The following RIMBP2 variants were observed in gnomAD, a reference collection of about 807,000 sequenced individuals.
The protein encoded by RIMBP2 is RIMS binding protein 2.
A neutral mutation model predicts 118.6 loss-of-function variants in RIMBP2; 48 were observed. The ratio of observed to expected loss-of-function variants is 0.40; its 90% confidence interval spans 0.32 to 0.51. The LOEUF (loss-of-function observed/expected upper bound fraction) is 0.51. RIMBP2 is among the 20% of genes least tolerant of loss of function. The pLI, the probability that RIMBP2 is intolerant of heterozygous loss-of-function variation, is 0.41. For synonymous variants in RIMBP2, 762 were observed against 742.9 expected, an observed-to-expected ratio of 1.03 and a Z score of -0.42; for missense variants, 1,551 against 1,768.3, an observed-to-expected ratio of 0.88 and a Z score of 2.20.
intron 4 of RIMBP2, among the ~76,000 whole-genome samples, chr12:130,506,369 C>A (rs771734496): frequency 2.0e-5 from 3 of 152,188 alleles, no homozygotes; most frequent in Non-Finnish European, 4.4e-5. Context: ...CATTCAGGAG[C>A]GGTGTGCCTG....
At chr12:130,415,712 ATC>A (rs1431092858) in intron 17 of RIMBP2, among the ~76,000 whole-genome samples, 2 of 151,922 alleles carry the variant, frequency 1.3e-5, no homozygotes, top group African/African-American at 4.8e-5. Context: ...AAGTCAAATT[ATC>A]TCTCTTCACT....
Position 130,413,291 on chromosome 12 carries a change from T to C in RIMBP2, c.3421-504A>G, listed in dbSNP as rs151220149. Among the ~76,000 whole-genome samples, 543 of 152,180 alleles carry C rather than the reference T, an allele frequency of 3.6e-3. 2 individuals are homozygous for C. The highest frequency in any genetic ancestry group is 5.4e-3 in the Non-Finnish European group (367 of 67,998). On this transcript the variant is annotated intron_variant, in intron 18 of 22. Coordinates refer to ENST00000690449, the MANE Select transcript of RIMBP2 (RefSeq NM_001393629.1). ...GCCCTCTTTCTTTCCCCTCTCCTAC[T>C]GAACAGCACACTTTCTCTCATTTTC...
chr12:130,399,711 G>A lies in RIMBP2; in HGVS notation c.3868C>T (p.Gln1290Ter). The change falls in exon 22 of 23, where the codon CAA becomes TAA. Residue 1290 changes from glutamine (Q) to a stop codon, truncating the protein, a stop_gained. Coordinates refer to ENST00000690449, the MANE Select transcript of RIMBP2 (RefSeq NM_001393629.1). LOFTEE classifies it high-confidence loss of function. ...GCCTTTGAGCGCATTGGCGTATCTT[G>A]AGAGTAGTGGGATGGAGCATCAGAA... Reference protein sequence around the residue: ...YLSDAPSHYSQDTPMRSKAKR... With the variant: ...YLSDAPSHYS The A allele has an allele frequency of 6.2e-7, 1 of 1,614,238 alleles. No homozygotes were observed. Among genetic ancestry groups the A allele is most frequent in the Non-Finnish European group, 8.5e-7 (1 of 1,180,030 alleles).
At position 130,576,368 on chromosome 12, in the gene RIMBP2, C is replaced by T. The variant is rs1488815834; in HGVS notation, c.-217+51954G>A. Among the ~76,000 whole-genome samples, 1 of 152,152 alleles carries T rather than the reference C, an allele frequency of 6.6e-6. No homozygotes were observed. Among genetic ancestry groups the T allele is most frequent in the Non-Finnish European group, 1.5e-5 (1 of 68,022 alleles). ...GCTTTGAGAATCGCTGTGAGCTGTG[C>T]TTCTAGATCCTCAGCAGGTTGGCGC... On this transcript the variant is annotated intron_variant, in intron 2 of 22. Coordinates refer to ENST00000690449, the MANE Select transcript of RIMBP2 (RefSeq NM_001393629.1). This position sits in a 1 kb window ranked among gnomAD's most constrained non-coding sequence, Gnocchi z 4.2.
At chr12:130,507,435 C>T (rs1276455115) in intron 3 of RIMBP2, among the ~76,000 whole-genome samples, 3 of 152,180 alleles carry the variant, frequency 2.0e-5, no homozygotes, top group African/African-American at 4.8e-5. Flanking sequence ...CTATGAGAGC[C>T]CTAACAGATA....
chr12:130,702,886 C>T (rs995424971), intron 1 of RIMBP2, among the ~76,000 whole-genome samples: 1 of 152,132 alleles, frequency 6.6e-6, no homozygotes, highest in Non-Finnish European at 1.5e-5. Flanking sequence ...AATCATAGGG[C>T]TGTATGGAAA....
intron 1 of RIMBP2, among the ~76,000 whole-genome samples, chr12:130,652,446 G>GT (rs1374547166): frequency 1.3e-5 from 2 of 152,190 alleles, no homozygotes; most frequent in Non-Finnish European, 2.9e-5. Flanking sequence ...ATGGCTTGTA[G>GT]TTTTGTTTCC....
intron 13 of RIMBP2, among the ~76,000 whole-genome samples, 192 bp downstream of exon 13, chr12:130,436,650 T>TA (rs1293402818): frequency 6.6e-6 from 1 of 152,118 alleles, no homozygotes; most frequent in Non-Finnish European, 1.5e-5. Context: ...TATTAGCAAA[T>TA]AAAAAACACC....
intron 7 of RIMBP2, among the ~76,000 whole-genome samples, chr12:130,452,543 G>A (rs529542573): frequency 1.1e-4 from 16 of 152,352 alleles, no homozygotes; most frequent in South Asian, 2.1e-4. Context: ...AAACCCAGCC[G>A]ACAGCAGAGC....
At chr12:130,534,326 A>G (rs1056132606) in intron 2 of RIMBP2, among the ~76,000 whole-genome samples, 21 of 151,854 alleles carry the variant, frequency 1.4e-4, no homozygotes, top group African/African-American at 4.8e-4. Context: ...TATTCTAGTG[A>G]TGGTTGGCTG....
intron 2 of RIMBP2, among the ~76,000 whole-genome samples, chr12:130,538,252 G>A (rs776510386): frequency 4.6e-5 from 7 of 151,964 alleles, no homozygotes; most frequent in Non-Finnish European, 7.4e-5. Flanking sequence ...ATTTTAAAGT[G>A]CATTCTTCTT....
chr12:130,471,344 C>A (rs1566097259), intron 5 of RIMBP2, among the ~76,000 whole-genome samples: 1 of 152,250 alleles, frequency 6.6e-6, no homozygotes, highest in African/African-American at 2.4e-5. Context: ...GGAACACTAT[C>A]ATTTCTTGTC....
intron 14 of RIMBP2, among the ~76,000 whole-genome samples, chr12:130,432,634 AG>A (rs2077220844): frequency 1.3e-5 from 2 of 152,204 alleles, no homozygotes. Context: ...ACAAGATACT[AG>A]GGATGTACAG....
chr12:130,425,852 CTCTTGCTGTGGGCCCCTT>C (rs1367353704), intron 15 of RIMBP2: 2 of 152,412 alleles, frequency 1.3e-5, no homozygotes, highest in Non-Finnish European at 2.9e-5. Flanking sequence ...TCTGTCCCCC[CTCTTGCTGTGGGCCCCTT>C]GATCTTGGGG....
chr12:130,582,629 G>T (rs941411239), intron 2 of RIMBP2, among the ~76,000 whole-genome samples: 1 of 152,206 alleles, frequency 6.6e-6, no homozygotes, highest in Non-Finnish European at 1.5e-5. Flanking sequence ...GCCTTCGCTT[G>T]ATCTAGACCA....
At chr12:130,458,629 C>T (rs1304106826) in intron 6 of RIMBP2, among the ~76,000 whole-genome samples, 3 of 152,228 alleles carry the variant, frequency 2.0e-5, no homozygotes, top group Non-Finnish European at 4.4e-5. Context: ...GGGGCACTCG[C>T]GGAGCCTTCC....
intron 4 of RIMBP2, among the ~76,000 whole-genome samples, chr12:130,481,823 C>T (rs752120240): frequency 3.9e-5 from 6 of 152,176 alleles, no homozygotes; most frequent in Admixed American, 6.5e-5. Flanking sequence ...TCCCGAGATC[C>T]GCCCTGACAC....
chr12:130,513,108 G>T (rs1057111911), intron 3 of RIMBP2, among the ~76,000 whole-genome samples: 1 of 152,172 alleles, frequency 6.6e-6, no homozygotes, highest in African/African-American at 2.4e-5. Context: ...GCAGGTAAGA[G>T]GATTCCCTAG....
intron 2 of RIMBP2, among the ~76,000 whole-genome samples, chr12:130,599,727 T>C (rs1472474158): frequency 6.6e-6 from 1 of 152,258 alleles, no homozygotes; most frequent in African/African-American, 2.4e-5. Context: ...TAGTTGTACA[T>C]ATTGACAGTT....
Sources: gnomAD v4.1 joint callset for allele counts (sites outside exome capture counted in the v4.1 genomes callset) on GRCh38, gnomAD v4.1.1 for gene constraint, Gnocchi (gnomAD v3.1) non-coding constraint, MANE v1.5 for transcripts, NCBI Gene and HGNC (gene_info 2026-07-23, HGNC 2026-07-21) for gene names.